The following NLGN1 variants were observed in gnomAD, a reference collection of about 807,000 sequenced individuals.
The protein encoded by NLGN1 is neuroligin-1.
NLGN1 carries 12 observed loss-of-function variants against 65.5 expected under a neutral mutation model. The ratio of observed to expected loss-of-function variants is 0.18; its 90% CI spans 0.12 to 0.30. The LOEUF (loss-of-function observed/expected upper bound fraction) is 0.30. NLGN1 is among the 10% of genes least tolerant of loss of function. The pLI is 1.00. For synonymous variants in NLGN1, 350 were observed against 359.5 expected (o/e 0.97, Z 0.30); for missense variants, 750 against 1,007.1 (o/e 0.74, Z 3.46).
intron 3 of NLGN1, among the ~76,000 whole-genome samples, chr3:173,681,350 T>C (rs1263988971): frequency 6.6e-6 from 1 of 152,232 alleles, no homozygotes; most frequent in East Asian, 1.9e-4. Flanking sequence ...TGTTAGCTGT[T>C]CTCACTCTTC....
chr3:173,841,880 T>C (rs1018079686), intron 4 of NLGN1, among the ~76,000 whole-genome samples: 3 of 152,308 alleles, frequency 2.0e-5, no homozygotes, highest in Middle Eastern at 3.4e-3. Context: ...CTCATTTTTA[T>C]AGAATAGTAG....
intron 4 of NLGN1, among the ~76,000 whole-genome samples, chr3:173,828,472 CT>C (rs1334727262): frequency 6.6e-6 from 1 of 152,126 alleles, no homozygotes; most frequent in Non-Finnish European, 1.5e-5. Context: ...ACAGAATATC[CT>C]TCTATGCTAG....
At chr3:173,580,696 T>C (rs906235793) in intron 2 of NLGN1, among the ~76,000 whole-genome samples, 3 of 152,022 alleles carry the variant, frequency 2.0e-5, no homozygotes, top group Non-Finnish European at 2.9e-5. Context: ...CTTTCACTTC[T>C]CCTTTTACTC....
rs1049716995 is a variant in NLGN1, at chr3:174,083,125, C to T, written c.647-192190C>T. Reference sequence around the variant, plus strand: ...TAGATCTAATAAATGAAATAAATATCAGACATATAACATATATGTTAGAAA... The same window carrying T: ...TAGATCTAATAAATGAAATAAATATTAGACATATAACATATATGTTAGAAA... On this transcript the variant is annotated intron_variant, in intron 4 of 6. Coordinates refer to ENST00000457714, the Ensembl canonical transcript of NLGN1. Among the ~76,000 whole-genome samples the T allele has an allele frequency of 2.0e-5, 3 of 151,962 alleles. 1 individual carries two copies. The highest frequency in any genetic ancestry group is 4.1e-4 in the South Asian group (2 of 4,822).
At chr3:173,740,217 A>G (rs1774437202) in intron 3 of NLGN1, among the ~76,000 whole-genome samples, 1 of 152,110 alleles carries the variant, frequency 6.6e-6, no homozygotes, top group Non-Finnish European at 1.5e-5. Context: ...AGTCTGCCAT[A>G]TGAGCTAACC....
chr3:173,806,836 C>A (rs1716773139), intron 3 of NLGN1, among the ~76,000 whole-genome samples: 3 of 152,100 alleles, frequency 2.0e-5, no homozygotes, highest in Non-Finnish European at 2.9e-5. Context: ...GTAGAAATCA[C>A]TTGAACCCTA....
At position 174,114,063 on chromosome 3, in the gene NLGN1, G is replaced by T. The variant is rs144762901; in HGVS notation, c.647-161252G>T. On this transcript the variant is annotated intron_variant, in intron 4 of 6. Coordinates refer to ENST00000457714, the Ensembl canonical transcript of NLGN1. ...TTCCCCTCCTTTATTTTTAGATTAA[G>T]TGGTACAAAAATTAGCTAGGAATGT... Among the ~76,000 whole-genome samples, 596 of 152,178 alleles carry T rather than the reference G, an allele frequency of 3.9e-3. 2 individuals carry two copies. The highest frequency in any genetic ancestry group is 6.1e-3 in the Non-Finnish European group (413 of 67,986).
intron 3 of NLGN1, among the ~76,000 whole-genome samples, chr3:173,638,516 G>A (rs1223164972): frequency 1.3e-5 from 2 of 151,562 alleles, no homozygotes; most frequent in Admixed American, 6.6e-5. Flanking sequence ...AAAAACAAAG[G>A]CTCCCTTTCA....
intron 2 of NLGN1, among the ~76,000 whole-genome samples, chr3:173,505,139 A>G (rs1245977321): frequency 6.6e-6 from 1 of 151,600 alleles, no homozygotes; most frequent in Admixed American, 6.6e-5. Context: ...CTCTTCAACC[A>G]TTGCTTGAGT....
At chr3:173,656,555 T>A (rs1327912476) in intron 3 of NLGN1, among the ~76,000 whole-genome samples, 1 of 152,126 alleles carries the variant, frequency 6.6e-6, no homozygotes, top group Non-Finnish European at 1.5e-5. Flanking sequence ...GTTTGTTCAT[T>A]TGCTGTTGGT....
chr3:173,830,535 C>G (rs1212417790), intron 4 of NLGN1, among the ~76,000 whole-genome samples: 1 of 152,094 alleles, frequency 6.6e-6, no homozygotes, highest in Admixed American at 6.6e-5. Context: ...CTATTTGGGA[C>G]ACATGGTTGC....
rs187522493 is a variant in NLGN1, at chr3:173,497,903, A to T, written c.-321+62825A>T. 1.3e-3 allele frequency among the ~76,000 whole-genome samples: 203 copies of T among 151,894 alleles called. 8 individuals are homozygous for T. Among genetic ancestry groups the T allele is most frequent in the African/African-American group, 4.6e-3 (188 of 41,240 alleles). On this transcript the variant is annotated intron_variant, in intron 2 of 6. Coordinates refer to ENST00000457714, the Ensembl canonical transcript of NLGN1. ...TGCAATAAATATCTTTATATATATG[A>T]ATGTATCTGATAATTTTCATAATAA...
intron 2 of NLGN1, among the ~76,000 whole-genome samples, chr3:173,532,837 G>A (rs916152935): frequency 6.6e-6 from 1 of 152,160 alleles, no homozygotes; most frequent in Non-Finnish European, 1.5e-5. Flanking sequence ...GATACTCCAT[G>A]TTTATTGCAG....
At chr3:174,136,375 C>T (rs549211494) in intron 4 of NLGN1, 1 of 152,160 alleles carries the variant, frequency 6.6e-6, no homozygotes, top group African/African-American at 2.4e-5. Context: ...TGATACGCTT[C>T]AGTATTATTA....
intron 4 of NLGN1, among the ~76,000 whole-genome samples, chr3:174,103,430 T>G (rs1576886648): frequency 6.6e-6 from 1 of 152,132 alleles, no homozygotes; most frequent in East Asian, 1.9e-4. Flanking sequence ...AATACTCTAA[T>G]AGGAAAGACC....
intron 4 of NLGN1, among the ~76,000 whole-genome samples, chr3:173,877,384 GA>G (rs1027943376): frequency 2.0e-5 from 3 of 151,654 alleles, no homozygotes; most frequent in Non-Finnish European, 2.9e-5. Flanking sequence ...AGACATAAAG[GA>G]CAAGGACAGA....
intron 4 of NLGN1, among the ~76,000 whole-genome samples, chr3:173,944,122 T>TGG (rs1286478240): frequency 1.2e-3 from 151 of 130,950 alleles, no homozygotes; most frequent in African/African-American, 2.7e-3. Context: ...GTTAATATTA[T>TGG]GGGTGTGTGT....
intron 2 of NLGN1, among the ~76,000 whole-genome samples, chr3:173,478,989 AG>A (rs1338981451): frequency 1.3e-5 from 2 of 152,176 alleles, no homozygotes; most frequent in African/African-American, 4.8e-5. Flanking sequence ...TGTAATAATC[AG>A]GGTTGATATC....
chr3:173,418,108 A>G (rs1714167657), intron 1 of NLGN1, among the ~76,000 whole-genome samples: 1 of 151,022 alleles, frequency 6.6e-6, no homozygotes, highest in Admixed American at 6.6e-5. Context: ...ATAAGTATAT[A>G]TAACAAAGAT....
Sources: allele counts gnomAD v4.1 joint callset (sites outside exome capture counted in the v4.1 genomes callset), GRCh38; gene constraint gnomAD v4.1.1; transcripts MANE v1.5; gene names NCBI Gene and HGNC (gene_info 2026-07-23, HGNC 2026-07-21).